The following ANKS1B variants were observed in gnomAD, a reference collection of about 807,000 sequenced individuals.
ANKS1B encodes ankyrin repeat and sterile alpha motif domain containing 1B.
Under a neutral mutation model 148.3 loss-of-function variants are expected in ANKS1B, and 36 were observed. The observed-to-expected ratio is 0.24, with a 90% CI of 0.19 to 0.32. ANKS1B has a LOEUF of 0.32. Among genes scored for constraint, ANKS1B ranks in the 10% least tolerant of loss-of-function variants. ANKS1B has a pLI of 1.00. For missense variants in ANKS1B, 1,157 were observed against 1,542.6 expected (o/e 0.75, Z 4.19); for synonymous variants, 542 against 560.8 (o/e 0.97, Z 0.47).
intron 12 of ANKS1B, among the ~76,000 whole-genome samples, chr12:99,267,331 T>G (rs527582934): frequency 9.9e-5 from 15 of 152,134 alleles, no homozygotes; most frequent in Non-Finnish European, 1.6e-4. Context: ...ATTTTATGCC[T>G]AATTTTTTTT....
intron 10 of ANKS1B, among the ~76,000 whole-genome samples, chr12:99,470,009 C>G (rs1356154720): frequency 1.3e-5 from 2 of 151,834 alleles, no homozygotes; most frequent in African/African-American, 4.8e-5. Flanking sequence ...GTCCCAACTT[C>G]TCAGGAGACT....
intron 1 of ANKS1B, among the ~76,000 whole-genome samples, chr12:99,970,421 A>G (rs61941604): frequency 0.19 from 28,835 of 152,072 alleles, 2,974 homozygotes; most frequent in Middle Eastern, 0.26. Flanking sequence ...AAACATGCTT[A>G]AGAAAAAAGT....
At chr12:99,846,332 T>G (rs703702) in intron 1 of ANKS1B, among the ~76,000 whole-genome samples, 4 of 152,128 alleles carry the variant, frequency 2.6e-5, no homozygotes, top group African/African-American at 4.8e-5. Context: ...CTTTATTCCT[T>G]TCTAGCTATT....
chr12:99,660,233 T>C (rs968316180), intron 8 of ANKS1B, among the ~76,000 whole-genome samples: 1 of 152,322 alleles, frequency 6.6e-6, no homozygotes, highest in South Asian at 2.1e-4. Flanking sequence ...CGGTCCCACA[T>C]TCAGTGGGTG....
intron 11 of ANKS1B, among the ~76,000 whole-genome samples, chr12:99,436,935 T>G (rs756856392): frequency 3.3e-5 from 5 of 152,032 alleles, no homozygotes; most frequent in African/African-American, 7.2e-5. Context: ...CCTCCTTAGC[T>G]GCAAAAGAAT....
chr12:99,060,775 T>G (rs1006936813), intron 16 of ANKS1B, among the ~76,000 whole-genome samples: 2 of 151,266 alleles, frequency 1.3e-5, no homozygotes. Context: ...TCTGTGCAGA[T>G]AAGGATAATA....
intron 11 of ANKS1B, among the ~76,000 whole-genome samples, chr12:99,415,447 G>C (rs2094866084): frequency 6.6e-6 from 1 of 151,996 alleles, no homozygotes; most frequent in Non-Finnish European, 1.5e-5. Flanking sequence ...TCACTGTGTG[G>C]GTGAAAGAAA....
chr12:99,908,399 G>A (rs747099962), intron 1 of ANKS1B, among the ~76,000 whole-genome samples: 1 of 152,014 alleles, frequency 6.6e-6, no homozygotes, highest in Non-Finnish European at 1.5e-5. Context: ...GGGCAACATA[G>A]TAAAACCCAT....
intron 9 of ANKS1B, among the ~76,000 whole-genome samples, chr12:99,594,730 G>A (rs2097739743): frequency 6.6e-6 from 1 of 151,910 alleles, no homozygotes; most frequent in South Asian, 2.1e-4. Context: ...GAAGAAATGG[G>A]GAGTTGCTAT....
chr12:99,397,761 A>AT (rs1265422074), intron 12 of ANKS1B, among the ~76,000 whole-genome samples: 2 of 152,096 alleles, frequency 1.3e-5, no homozygotes, highest in Non-Finnish European at 2.9e-5. Context: ...CCTGACACAT[A>AT]GTGTCATTTA....
In ANKS1B at chr12:99,856,427, C is replaced by CA. The variant is rs148356834; in HGVS notation, c.135-31039dup. ...ATTGAAATGCTAATTTAAAAGTTAC[C>CA]AAAAAAAAAGTCCAGGACCAATCAG... On this transcript the variant is annotated intron_variant, in intron 1 of 26. Coordinates refer to ENST00000683438, the MANE Select transcript of ANKS1B (RefSeq NM_001352186.2). 1.8e-3 allele frequency among the ~76,000 whole-genome samples: 272 copies of CA among 149,692 alleles called. 1 individual carries two copies. The highest frequency in any genetic ancestry group is 9.4e-3 in the East Asian group (48 of 5,128).
intron 17 of ANKS1B, among the ~76,000 whole-genome samples, chr12:99,015,775 A>C (rs1376894444): frequency 6.6e-6 from 1 of 152,188 alleles, no homozygotes; most frequent in Admixed American, 6.5e-5. Context: ...CTGAGGCAGG[A>C]GAATGGTGTG....
At chr12:98,735,534 A>T (rs768144818) in exon 10 of ANKS1B, 1 of 739,958 alleles carries the variant, frequency 1.4e-6, no homozygotes, top group Non-Finnish European at 2.6e-6. Flanking sequence ...TTTAGGCTTT[A>T]TCAGCTATAT....
At position 99,806,662 on chromosome 12, in the gene ANKS1B, T is replaced by A; in HGVS notation, c.411A>T (p.Gln137His). 1 of 1,613,978 alleles carries A rather than the reference T, an allele frequency of 6.2e-7. No homozygotes were observed. Among genetic ancestry groups the A allele is most frequent in the South Asian group, 1.1e-5 (1 of 91,086 alleles). ...ENETALHCAA[Q>H]YGHSEVVAVL... The stretch of plus-strand genomic sequence containing the variant: ...CAGCAACTACTTCTGAGTGTCCATA[T>A]TGAGCTGCACAGTGTAGGGCAGTTT... The change falls in exon 4 of 27, where the codon CAA becomes CAT. Residue 137 changes from glutamine (Q) to histidine (H), a missense_variant. By Grantham distance (24) the Gln-to-His change is conservative. Transcript: ENST00000683438.
At chr12:98,759,873 G>A (rs1274286208) in intron 25 of ANKS1B, among the ~76,000 whole-genome samples, 3 of 152,094 alleles carry the variant, frequency 2.0e-5, no homozygotes, top group Non-Finnish European at 4.4e-5. Flanking sequence ...CCAGCTACTC[G>A]GGGGGCTGAG....
chr12:98,854,751 T>C (rs373387086), intron 17 of ANKS1B, among the ~76,000 whole-genome samples: 33 of 152,330 alleles, frequency 2.2e-4, no homozygotes, highest in African/African-American at 6.7e-4. Context: ...GTATTTTCCA[T>C]TGAGAAGCAG....
At chr12:99,493,157 G>A (rs923224328) in intron 10 of ANKS1B, among the ~76,000 whole-genome samples, 2 of 152,112 alleles carry the variant, frequency 1.3e-5, no homozygotes, top group African/African-American at 4.8e-5. Flanking sequence ...TCTTGTCAGG[G>A]TTTCAACTGC....
chr12:98,954,996 C>A (rs1012279019), intron 17 of ANKS1B, among the ~76,000 whole-genome samples: 1 of 142,200 alleles, frequency 7.0e-6, no homozygotes, highest in East Asian at 2.3e-4. Flanking sequence ...TGATTGAGAT[C>A]AAATATTGAT....
At chr12:99,902,407 G>T (rs2093630460) in intron 1 of ANKS1B, among the ~76,000 whole-genome samples, 1 of 152,182 alleles carries the variant, frequency 6.6e-6, no homozygotes, top group African/African-American at 2.4e-5. Flanking sequence ...GCCAGACTGT[G>T]CTGAGCCTTG....
Sources: allele counts gnomAD v4.1 joint callset (sites outside exome capture counted in the v4.1 genomes callset), GRCh38; gene constraint gnomAD v4.1.1; transcripts MANE v1.5; gene names NCBI Gene and HGNC (gene_info 2026-07-23, HGNC 2026-07-21).